Variants in CEP85L observed in about 807,000 individuals in gnomAD.
The protein encoded by CEP85L is centrosomal protein of 85 kDa-like.
Under a neutral mutation model 100.3 loss-of-function variants are expected in CEP85L, and 60 were observed. That is an observed-to-expected ratio of 0.60 (90% CI 0.49 to 0.74). The LOEUF (loss-of-function observed/expected upper bound fraction) is 0.74. Ranked by LOEUF, CEP85L falls within the 30% of genes least tolerant of loss-of-function variation. The pLI is 0.00. For synonymous variants in CEP85L, 319 were observed against 322.7 expected (o/e 0.99, Z 0.12); for missense variants, 973 against 936.2 (o/e 1.04, Z -0.51).
chr6:118,600,013 T>TA (rs1168325986), intron 2 of CEP85L, among the ~76,000 whole-genome samples: 1 of 152,024 alleles, frequency 6.6e-6, no homozygotes, highest in Admixed American at 6.6e-5. Flanking sequence ...GAAAAACTGG[T>TA]AAAATTCTAA....
chr6:118,682,371 C>A (rs912924003), intron 1 of CEP85L, among the ~76,000 whole-genome samples: 1 of 152,004 alleles, frequency 6.6e-6, no homozygotes, highest in Non-Finnish European at 1.5e-5. Context: ...GTAGTGGCAG[C>A]AGTTTATAAA....
intron 1 of CEP85L, among the ~76,000 whole-genome samples, chr6:118,696,092 G>A (rs1264956159): frequency 6.6e-6 from 1 of 152,054 alleles, no homozygotes; most frequent in Non-Finnish European, 1.5e-5. Context: ...CCAACATGGT[G>A]AAAACCTGTC....
intron 3 of CEP85L, chr6:118,559,061 T>C: frequency 6.2e-7 from 1 of 1,611,940 alleles, no homozygotes. Flanking sequence ...CTGATCTGTA[T>C]CATCGTGATG....
At chr6:118,618,147 GC>G (rs1446383052) in intron 2 of CEP85L, among the ~76,000 whole-genome samples, 2 of 152,072 alleles carry the variant, frequency 1.3e-5, no homozygotes, top group Non-Finnish European at 2.9e-5. Context: ...TGAGACCATG[GC>G]CCCACCAGAG....
chr6:118,542,917 A>AAAAAAAAAAAAAC lies in CEP85L; in HGVS notation c.1021-18998_1021-18997insGTTTTTTTTTTTT, dbSNP rs758286537. Among the ~76,000 whole-genome samples the AAAAAAAAAAAAAC allele has an allele frequency of 2.2e-3, 330 of 150,116 alleles. 3 individuals are homozygous for AAAAAAAAAAAAAC. Among genetic ancestry groups the AAAAAAAAAAAAAC allele is most frequent in the Non-Finnish European group, 4.0e-3 (267 of 67,200 alleles). On this transcript the variant is annotated intron_variant, in intron 3 of 12. Coordinates refer to ENST00000368491, the MANE Select transcript of CEP85L (RefSeq NM_001042475.3). ...AGTTTTCCCAAAAAAAAAAAAAAAA[A>AAAAAAAAAAAAAC]AAAAAACAGGATATTCACAGCAACC...
At chr6:118,582,177 AT>A (rs1489366916) in intron 2 of CEP85L, among the ~76,000 whole-genome samples, 1 of 152,142 alleles carries the variant, frequency 6.6e-6, no homozygotes, top group African/African-American at 2.4e-5. Flanking sequence ...TCTCCAGTAT[AT>A]CCTACTCTCC....
chr6:118,582,941 T>C (rs1375682673), intron 2 of CEP85L, among the ~76,000 whole-genome samples: 1 of 151,942 alleles, frequency 6.6e-6, no homozygotes, highest in Non-Finnish European at 1.5e-5. Flanking sequence ...GGAAAGGAAA[T>C]ATAAGTGAAG....
At chr6:118,465,945 T>C (rs183120614) in intron 12 of CEP85L, among the ~76,000 whole-genome samples, 85 of 152,226 alleles carry the variant, frequency 5.6e-4, no homozygotes, top group African/African-American at 2.0e-3. Flanking sequence ...GGTGGTATCT[T>C]ACATATTTAC....
chr6:118,671,243 G>A (rs1562351551), intron 1 of CEP85L, among the ~76,000 whole-genome samples: 1 of 152,176 alleles, frequency 6.6e-6, no homozygotes, highest in Non-Finnish European at 1.5e-5. Context: ...GCAAGTGGAT[G>A]TAAGTGACTT....
At position 118,480,491 on chromosome 6, in the gene CEP85L, A is replaced by T. The variant is rs1773696643; in HGVS notation, c.1768T>A (p.Cys590Ser). 6.2e-7 allele frequency: 1 copy of T among 1,608,078 alleles called. No individual in the cohort carries two copies. ...VQSLQQKVER[C>S]LEDGIRLPML... ...GGAAGGCGGATTCCATCTTCAAGGC[A>T]TCTTTCTACTTTTTGTTGCAAACTA... is the stretch of plus-strand genomic sequence containing the variant. Residue 590 changes from cysteine to serine, a missense_variant, in exon 9 of 13, where the codon TGC becomes AGC. This residue lies in a region of CEP85L where 890 missense variants were observed against 844.5 expected (regional missense o/e 1.05). Coordinates refer to ENST00000368491, the MANE Select transcript of CEP85L (RefSeq NM_001042475.3).
chr6:118,509,270 T>C (rs1408838760), intron 5 of CEP85L, among the ~76,000 whole-genome samples: 3 of 152,110 alleles, frequency 2.0e-5, no homozygotes, highest in Non-Finnish European at 4.4e-5. Flanking sequence ...TTCGATAATA[T>C]GATAATTATA....
intron 4 of CEP85L, among the ~76,000 whole-genome samples, chr6:118,516,927 G>T (rs1402335651): frequency 1.3e-5 from 2 of 152,242 alleles, no homozygotes; most frequent in East Asian, 1.9e-4. Flanking sequence ...TTTTGTTTAA[G>T]GTGTAAGGAA....
chr6:118,637,703 C>CAAAAAAA lies in CEP85L; in HGVS notation c.74-5099_74-5093dup, dbSNP rs11388747. Reference sequence around the variant, plus strand: ...CCTGGGTAATAAAGCAAGACTGTCTCAAAAAAAAAAAAAAAAAAAAAAAGT... The same window carrying CAAAAAAA: ...CCTGGGTAATAAAGCAAGACTGTCTCAAAAAAAAAAAAAAAAAAAAAAAAAAAAAAGT... On this transcript the variant is annotated intron_variant, in intron 1 of 12. Transcript: ENST00000368491. Among the ~76,000 whole-genome samples the CAAAAAAA allele has an allele frequency of 1.9e-3, 85 of 45,290 alleles. 1 individual carries two copies. The highest frequency in any genetic ancestry group is 3.5e-3 in the South Asian group (3 of 856). The allele number at this position is 45,290 out of a possible 152,430, so 29.7% of individuals were successfully genotyped here. A position where few individuals can be genotyped will look rare whatever the true frequency, so the allele number is the denominator to read the frequency against.
chr6:118,474,646 T>A (rs888908909), intron 10 of CEP85L, among the ~76,000 whole-genome samples: 2 of 152,000 alleles, frequency 1.3e-5, no homozygotes, highest in African/African-American at 4.8e-5. Context: ...GCTACTAGAG[T>A]GGGGGTACCA....
intron 2 of CEP85L, among the ~76,000 whole-genome samples, chr6:118,625,090 T>C (rs1773699669): frequency 1.3e-5 from 2 of 152,174 alleles, no homozygotes; most frequent in South Asian, 4.1e-4. Flanking sequence ...CCGGGATAAT[T>C]GGCTCCCCAG....
At chr6:118,612,647 T>G (rs1249820122) in intron 2 of CEP85L, among the ~76,000 whole-genome samples, 2 of 86,422 alleles carry the variant, frequency 2.3e-5, no homozygotes, top group African/African-American at 4.6e-5. Flanking sequence ...GGCGACAGAG[T>G]GAGACTCTGT....
intron 2 of CEP85L, among the ~76,000 whole-genome samples, chr6:118,612,428 C>T (rs1054585439): frequency 7.3e-5 from 11 of 150,756 alleles, no homozygotes; most frequent in Non-Finnish European, 1.5e-4. Context: ...GAGGCCGAGG[C>T]GGGTGGATCA....
chr6:118,643,364 A>T (rs1012189022), intron 1 of CEP85L, among the ~76,000 whole-genome samples: 3 of 152,210 alleles, frequency 2.0e-5, no homozygotes, highest in African/African-American at 2.4e-5. Flanking sequence ...GCCTCTACAA[A>T]AGCAATGTAA....
chr6:118,604,312 T>C (rs1348558087), intron 2 of CEP85L, among the ~76,000 whole-genome samples: 1 of 152,246 alleles, frequency 6.6e-6, no homozygotes, highest in Non-Finnish European at 1.5e-5. Flanking sequence ...TTTATTCCAA[T>C]GTTTAATTTA....
Sources: allele counts gnomAD v4.1 joint callset (sites outside exome capture counted in the v4.1 genomes callset), GRCh38; gene constraint gnomAD v4.1.1; regional missense constraint gnomAD v4.1.1; transcripts MANE v1.5; gene names NCBI Gene and HGNC (gene_info 2026-07-23, HGNC 2026-07-21).